The following NID1 variants were observed in gnomAD, a reference collection of about 807,000 sequenced individuals.
NID1 encodes nidogen-1.
A neutral mutation model predicts 130.6 loss-of-function variants in NID1; 76 were observed. That is an observed-to-expected ratio of 0.58 (90% CI 0.48 to 0.70). The LOEUF is 0.70. Among genes scored for constraint, NID1 ranks in the 30% least tolerant of loss-of-function variants. The pLI is 0.00. For missense variants in NID1, 1,517 were observed against 1,664.8 expected, an observed-to-expected ratio of 0.91 and a Z score of 1.54; for synonymous variants, 665 against 675.1, an observed-to-expected ratio of 0.98 and a Z score of 0.23.
chr1:236,055,787 C>T (rs1659883366), intron 1 of NID1, among the ~76,000 whole-genome samples: 1 of 152,044 alleles, frequency 6.6e-6, no homozygotes, highest in African/African-American at 2.4e-5. Context: ...GCTCATTGTC[C>T]TTGTTTTTAT....
Position 236,042,213 on chromosome 1 carries a change from C to T in NID1, c.832G>A (p.Asp278Asn). 7 of 1,613,060 alleles carry T rather than the reference C, an allele frequency of 4.3e-6. No individual in the cohort carries two copies. The highest frequency in any genetic ancestry group is 2.2e-5 in the East Asian group (1 of 44,882). Residue 278 changes from aspartate (D) to asparagine (N), a missense_variant, in exon 4 of 20, where the codon GAC becomes AAC. Physicochemically the swap from Asp to Asn is conservative, Grantham distance 23. Around this residue, in one of 3 missense-constraint regions of NID1, gnomAD observed 1,329 missense variants for 1,429.2 expected, o/e 0.93. Transcript: ENST00000264187. ...PATTNGVVPADVILGTEDGAE... is the reference protein window; with the variant it reads ...PATTNGVVPANVILGTEDGAE... ...CCATCTTCAGTTCCGAGGATCACGT[C>T]TGCAGGCACCACGCCATTGGTGGTG...
intron 13 of NID1, among the ~76,000 whole-genome samples, chr1:235,991,387 C>A: frequency 6.6e-6 from 1 of 152,114 alleles, no homozygotes; most frequent in Middle Eastern, 3.4e-3. Context: ...GGCCAGAGTG[C>A]AATGGTGCGA....
intron 1 of NID1, among the ~76,000 whole-genome samples, chr1:236,054,411 G>A (rs1204830925): frequency 6.6e-6 from 1 of 152,086 alleles, no homozygotes; most frequent in East Asian, 1.9e-4. Context: ...AGCCGAGACT[G>A]CGTCATTGCA....
At chr1:236,023,619 G>A (rs1658832449) in intron 9 of NID1, among the ~76,000 whole-genome samples, 3 of 146,180 alleles carry the variant, frequency 2.1e-5, no homozygotes, top group Non-Finnish European at 4.5e-5. Flanking sequence ...TTTATATTAT[G>A]TATATTTTAC....
chr1:236,060,098 C>CAAAAAA (rs773686621), intron 1 of NID1, among the ~76,000 whole-genome samples: 1 of 50,966 alleles, frequency 2.0e-5, no homozygotes, highest in Non-Finnish European at 4.3e-5. Context: ...GACTCAGTCT[C>CAAAAAA]AAAAAAAAAA....
At chr1:236,000,167 T>C (rs1026077004) in intron 12 of NID1, among the ~76,000 whole-genome samples, 1 of 152,002 alleles carries the variant, frequency 6.6e-6, no homozygotes, top group Non-Finnish European at 1.5e-5. Flanking sequence ...TGAGCTGAGA[T>C]TGCGCCACTG....
At chr1:236,022,021 G>A (rs1658780324) in intron 9 of NID1, among the ~76,000 whole-genome samples, 1 of 152,146 alleles carries the variant, frequency 6.6e-6, no homozygotes. Flanking sequence ...TACAAGAAAA[G>A]AGCGTTGCGA....
At chr1:236,014,435 G>T (rs1658527179) in intron 10 of NID1, among the ~76,000 whole-genome samples, 1 of 152,104 alleles carries the variant, frequency 6.6e-6, no homozygotes, top group African/African-American at 2.4e-5. Flanking sequence ...GAAGCAAAAT[G>T]CAATGGTGCC....
intron 1 of NID1, among the ~76,000 whole-genome samples, chr1:236,052,729 G>A (rs1460032788): frequency 1.3e-5 from 2 of 152,244 alleles, no homozygotes; most frequent in Admixed American, 6.5e-5. Context: ...TGCCAAAGTC[G>A]GGTGAACTGG....
In NID1 at chr1:236,001,067, A is replaced by C. The variant is rs78984711; in HGVS notation, c.2528-7195T>G. Among the ~76,000 whole-genome samples, 535 of 151,590 alleles carry C rather than the reference A, an allele frequency of 3.5e-3. 3 individuals carry two copies. The highest frequency in any genetic ancestry group is 0.012 in the African/African-American group (490 of 41,336). The stretch of plus-strand genomic sequence containing the variant: ...CACACATCTCTGGACAAGGTCACTC[A>C]GGTGCAGTGAACAGTCCCTGGTCTC... On this transcript the variant is annotated intron_variant, in intron 12 of 19. Transcript: ENST00000264187.
intron 5 of NID1, among the ~76,000 whole-genome samples, chr1:236,035,443 G>A (rs1219353543): frequency 1.6e-5 from 2 of 127,510 alleles, no homozygotes; most frequent in Admixed American, 8.6e-5. Flanking sequence ...GAATAATGCC[G>A]CAATAAACAT....
At chr1:236,012,077 G>T in intron 11 of NID1, 34 bp from the exon 12 acceptor site, 1 of 1,595,496 alleles carries the variant, frequency 6.3e-7, no homozygotes, top group Non-Finnish European at 8.6e-7. Flanking sequence ...GGGACAATGA[G>T]ATTTCTTCTG....
chr1:236,006,389 C>A (rs1658249623), intron 12 of NID1, among the ~76,000 whole-genome samples: 1 of 152,178 alleles, frequency 6.6e-6, no homozygotes. Flanking sequence ...ACACCACCAC[C>A]TATTGTCTTG....
At chr1:236,025,810 A>G in intron 8 of NID1, 86 bp downstream of exon 8, 1 of 1,510,394 alleles carries the variant, frequency 6.6e-7, no homozygotes. Context: ...CTACAGACTG[A>G]GAGTAAGAGA....
intron 1 of NID1, among the ~76,000 whole-genome samples, chr1:236,062,036 CAT>C (rs149247934): frequency 0.027 from 4,186 of 152,260 alleles, 134 homozygotes; most frequent in African/African-American, 0.083. Flanking sequence ...AAATATTAAA[CAT>C]AGAGTTACCA....
chr1:236,064,157 G>A (rs1369061736), intron 1 of NID1, among the ~76,000 whole-genome samples: 4 of 152,184 alleles, frequency 2.6e-5, no homozygotes, highest in Non-Finnish European at 4.4e-5. Flanking sequence ...AGTTGACAGC[G>A]ACCCCAGGCC....
intron 1 of NID1, 61 bp downstream of exon 1, chr1:236,064,767 TGCTACGCCCAAGTCCGTCCGGCTCCAC>T: frequency 3.1e-6 from 4 of 1,300,842 alleles, no homozygotes; most frequent in Non-Finnish European, 4.2e-6. Context: ...GGTCCCCGCC[TGCTACGCCCAAGTCCGTCCGGCTCCAC>T]GGGCGCCCCC....
chr1:236,000,686 C>T (rs1453543350), intron 12 of NID1, among the ~76,000 whole-genome samples: 1 of 152,184 alleles, frequency 6.6e-6, no homozygotes, highest in Non-Finnish European at 1.5e-5. Context: ...TGAGACCTGT[C>T]TCAGATACTT....
intron 9 of NID1, among the ~76,000 whole-genome samples, chr1:236,019,924 C>A (rs1432162236): frequency 1.3e-5 from 2 of 151,410 alleles, no homozygotes; most frequent in Non-Finnish European, 2.9e-5. Context: ...GTAATTCCGG[C>A]AATCCGGGAG....
Sources: allele counts gnomAD v4.1 joint callset (sites outside exome capture counted in the v4.1 genomes callset), GRCh38; gene constraint gnomAD v4.1.1; regional missense constraint gnomAD v4.1.1; transcripts MANE v1.5; gene names NCBI Gene and HGNC (gene_info 2026-07-23, HGNC 2026-07-21).